The following CHID1 variants were observed in gnomAD, a reference collection of about 807,000 sequenced individuals.
CHID1 encodes chitinase domain-containing protein 1.
A neutral mutation model predicts 55.4 loss-of-function variants in CHID1; 44 were observed. The ratio of observed to expected loss-of-function variants is 0.79; its 90% CI spans 0.62 to 1.02. CHID1 has a LOEUF of 1.02. CHID1 is among the 50% of genes least tolerant of loss of function. The pLI, the probability that CHID1 is intolerant of heterozygous loss-of-function variation, is 0.00. For synonymous variants in CHID1, 216 were observed against 212.9 expected (o/e 1.01, Z -0.13); for missense variants, 491 against 515.3 (o/e 0.95, Z 0.46).
At chr11:888,006 C>T (rs1323644896) in intron 8 of CHID1, among the ~76,000 whole-genome samples, 1 of 152,246 alleles carries the variant, frequency 6.6e-6, no homozygotes, top group African/African-American at 2.4e-5. Flanking sequence ...TCCACGACAT[C>T]CCCAAGCAGG....
intron 8 of CHID1, among the ~76,000 whole-genome samples, chr11:889,925 C>T (rs866851966): frequency 3.9e-5 from 6 of 152,202 alleles, no homozygotes; most frequent in South Asian, 2.1e-4. Context: ...TTTCTGAACC[C>T]GCTCCCCATG....
At chr11:910,503 C>G (rs1852588267) in intron 1 of CHID1, 7 of 751,128 alleles carry the variant, frequency 9.3e-6, no homozygotes, top group Admixed American at 5.0e-5. Context: ...CACTCGCGGT[C>G]CCCCCGACAC....
rs1340381067 is a variant in CHID1 at position 869,816 on chromosome 11, C to T, written c.*42G>A. The T allele has an allele frequency of 1.3e-6, 2 of 1,563,142 alleles. No homozygotes were observed. The highest frequency in any genetic ancestry group is 2.7e-5 in the African/African-American group (2 of 73,912). ...TCACACCTGCTCACTCACTCCATGG[C>T]TTAGAAAAGAACACGTCCACCGCGG... On this transcript the variant is annotated 3_prime_UTR_variant, in exon 13 of 13. Transcript: ENST00000323578.
chr11:895,378 C>G (rs1276709827), intron 7 of CHID1, among the ~76,000 whole-genome samples: 3 of 152,158 alleles, frequency 2.0e-5, no homozygotes, highest in African/African-American at 2.4e-5. Flanking sequence ...TGGCCCAGAG[C>G]TGGCCTTCAA....
intron 10 of CHID1, among the ~76,000 whole-genome samples, chr11:877,898 G>A (rs1395742134): frequency 6.6e-6 from 1 of 152,200 alleles, no homozygotes; most frequent in African/African-American, 2.4e-5. Flanking sequence ...TGAGGGCTCC[G>A]CCCTGGTGAA....
At chr11:888,381 C>T (rs1403592715) in intron 8 of CHID1, among the ~76,000 whole-genome samples, 2 of 152,226 alleles carry the variant, frequency 1.3e-5, no homozygotes, top group Non-Finnish European at 2.9e-5. Flanking sequence ...CCTCCTCCTA[C>T]TTGCAAGAAA....
Position 869,854 on chromosome 11 carries a change from C to T in CHID1, c.*4G>A, listed in dbSNP as rs781179463. On this transcript the variant is annotated 3_prime_UTR_variant, in exon 13 of 13. Coordinates refer to ENST00000323578, the MANE Select transcript of CHID1 (RefSeq NM_023947.4). ...ACGTCCACCGCGGAGGCCGCAATGC[C>T]CACCTAGAGCAGGTCGTAGAAGTAG... 18 of 1,612,376 alleles carry T rather than the reference C, an allele frequency of 1.1e-5. No individual in the cohort carries two copies. The highest frequency in any genetic ancestry group is 1.5e-5 in the Non-Finnish European group (18 of 1,179,408).
chr11:903,406 T>C (rs970239842), intron 2 of CHID1, among the ~76,000 whole-genome samples: 2 of 152,166 alleles, frequency 1.3e-5, no homozygotes, highest in African/African-American at 4.8e-5. Flanking sequence ...TCCTTGCATG[T>C]GAGGGTGGAC....
At chr11:877,034 C>T (rs373242469) in intron 10 of CHID1, among the ~76,000 whole-genome samples, 1 of 152,068 alleles carries the variant, frequency 6.6e-6, no homozygotes, top group South Asian at 2.1e-4. Context: ...TTCGGGTGGG[C>T]GAGGAGGGCA....
intron 8 of CHID1, among the ~76,000 whole-genome samples, chr11:888,966 C>A (rs572919559): frequency 6.6e-6 from 1 of 152,324 alleles, no homozygotes; most frequent in East Asian, 1.9e-4. Flanking sequence ...CGGCTGGACG[C>A]GCTCTGCTCT....
Position 868,473 on chromosome 11 carries a change from C to T in CHID1, c.*1385G>A, listed in dbSNP as rs1266598814. ...CCAGCGTTCCTCCCGCCACGGCTTT[C>T]CAAAGTACTGGGATTACAGGCATGA... On this transcript the variant is annotated 3_prime_UTR_variant, in exon 13 of 13. Coordinates refer to ENST00000323578, the MANE Select transcript of CHID1 (RefSeq NM_023947.4). The T allele has an allele frequency of 6.6e-6, 1 of 152,118 alleles. No individual in the cohort carries two copies. Among genetic ancestry groups the T allele is most frequent in the African/African-American group, 2.4e-5 (1 of 41,406 alleles). 9.4% of individuals were successfully genotyped at this position (152,118 alleles called of 1,614,324 possible).
intron 10 of CHID1, among the ~76,000 whole-genome samples, chr11:882,027 C>T (rs1334029642): frequency 6.9e-6 from 1 of 144,358 alleles, no homozygotes; most frequent in Non-Finnish European, 1.5e-5. Flanking sequence ...AAAAAGAAAA[C>T]AGAGAAAAAA....
intron 8 of CHID1, 23 bp downstream of exon 8, chr11:893,404 C>A: frequency 1.3e-6 from 2 of 1,539,800 alleles, no homozygotes; most frequent in South Asian, 1.2e-5. Context: ...CAGCCACCCC[C>A]ACATCTCAAG....
chr11:893,593 C>T (rs903745407), intron 7 of CHID1, 74 bp from the exon 8 acceptor site: 41 of 1,236,308 alleles, frequency 3.3e-5, no homozygotes, highest in Non-Finnish European at 4.3e-5. Flanking sequence ...ACACCCGCTG[C>T]CTCAGGGAGG....
rs573961888 is a variant in CHID1, at chr11:878,426, C to T, written c.959+4722G>A. On this transcript the variant is annotated intron_variant, in intron 10 of 12. Transcript: ENST00000323578. The stretch of plus-strand genomic sequence containing the variant: ...TCAAAAAAAACAAAACAAAACAAAC[C>T]GTGGTGGCACATGCCTGTAATTCGA... Among the ~76,000 whole-genome samples, 6 of 150,946 alleles carry T rather than the reference C, an allele frequency of 4.0e-5. No individual in the cohort carries two copies. In the East Asian group the frequency reaches 7.9e-4, roughly 20 times the overall value.
chr11:907,210 G>A (rs190348618), intron 1 of CHID1, among the ~76,000 whole-genome samples: 113 of 152,278 alleles, frequency 7.4e-4, no homozygotes, highest in Non-Finnish European at 1.4e-3. Flanking sequence ...GGCCGGGCGC[G>A]GTGGCTCACG....
intron 7 of CHID1, among the ~76,000 whole-genome samples, chr11:895,051 G>C (rs369834147): frequency 6.6e-6 from 1 of 152,188 alleles, no homozygotes; most frequent in Non-Finnish European, 1.5e-5. Context: ...ATGGGTACCA[G>C]AGGCTGTCAC....
At chr11:909,499 T>C (rs190529253) in intron 1 of CHID1, among the ~76,000 whole-genome samples, 2 of 152,330 alleles carry the variant, frequency 1.3e-5, no homozygotes, top group African/African-American at 4.8e-5. Flanking sequence ...GTGGTGTTGA[T>C]GGAAATGATG....
chr11:871,283 G>A (rs1849160637), intron 10 of CHID1, among the ~76,000 whole-genome samples: 2 of 152,052 alleles, frequency 1.3e-5, no homozygotes, highest in Admixed American at 6.6e-5. Context: ...GAGCCACCGC[G>A]CCTGGCCTCT....
Sources: gnomAD v4.1 joint callset for allele counts (sites outside exome capture counted in the v4.1 genomes callset) on GRCh38, gnomAD v4.1.1 for gene constraint, MANE v1.5 for transcripts, NCBI Gene and HGNC (gene_info 2026-07-23, HGNC 2026-07-21) for gene names.